Variants in PRKCH observed in about 807,000 individuals in gnomAD.
The protein encoded by PRKCH is protein kinase C eta, also known as protein kinase C eta type.
PRKCH carries 28 observed loss-of-function variants against 82.5 expected under a neutral mutation model. That is an observed-to-expected ratio of 0.34 (90% confidence interval 0.25 to 0.47). The LOEUF (loss-of-function observed/expected upper bound fraction) is 0.47. Among genes scored for constraint, PRKCH ranks in the 20% least tolerant of loss-of-function variants. The pLI, the probability that PRKCH is intolerant of heterozygous loss-of-function variation, is 1.00. For synonymous variants in PRKCH, 322 were observed against 327.4 expected (o/e 0.98, Z 0.18); for missense variants, 705 against 881.8 (o/e 0.80, Z 2.54).
chr14:61,549,636 A>ATGG, intron 13 of PRKCH, 49 bp from the exon 14 acceptor site: 1 of 1,598,298 alleles, frequency 6.3e-7, no homozygotes, highest in Non-Finnish European at 8.5e-7. Context: ...AAGATGAGTA[A>ATGG]GCCTCAAGCG....
intron 1 of PRKCH, among the ~76,000 whole-genome samples, chr14:61,313,296 G>C (rs1195380014): frequency 6.6e-6 from 1 of 152,150 alleles, no homozygotes; most frequent in African/African-American, 2.4e-5. Flanking sequence ...TAATGGACAA[G>C]AACCAAATGA....
intron 2 of PRKCH, among the ~76,000 whole-genome samples, chr14:61,438,799 A>G (rs924892787): frequency 1.3e-5 from 2 of 152,240 alleles, no homozygotes; most frequent in African/African-American, 4.8e-5. Context: ...CAAAACAAGC[A>G]TGGGGTGACA....
At chr14:61,422,055 C>T (rs528475886) in intron 2 of PRKCH, among the ~76,000 whole-genome samples, 1 of 152,230 alleles carries the variant, frequency 6.6e-6, no homozygotes, top group African/African-American at 2.4e-5. Context: ...GGACTTTGCC[C>T]TAAGGCCTGA....
intron 10 of PRKCH, among the ~76,000 whole-genome samples, chr14:61,498,433 A>C (rs1886759879): frequency 6.6e-6 from 1 of 151,934 alleles, no homozygotes; most frequent in South Asian, 2.1e-4. Flanking sequence ...CGCCGTGACC[A>C]CTCCTTGTCT....
intron 1 of PRKCH, among the ~76,000 whole-genome samples, chr14:61,253,928 C>T (rs562685413): frequency 2.6e-5 from 4 of 151,804 alleles, no homozygotes; most frequent in South Asian, 4.2e-4. Context: ...GAGGTAAACA[C>T]GTACACAAAT....
At chr14:61,454,401 C>G (rs1319060068) in intron 7 of PRKCH, among the ~76,000 whole-genome samples, 1 of 152,188 alleles carries the variant, frequency 6.6e-6, no homozygotes, top group African/African-American at 2.4e-5. Context: ...CCACGCCCAG[C>G]CTTTCTTTTC....
intron 1 of PRKCH, chr14:61,306,831 G>A (rs995623978): frequency 2.6e-5 from 4 of 152,096 alleles, no homozygotes; most frequent in Non-Finnish European, 5.9e-5. Context: ...ATAACCATTA[G>A]TTTGTTGAAG....
Position 61,529,222 on chromosome 14 carries a change from A to T in PRKCH, c.1572+9A>T. ...ACTATATCGCTCCAGAGGTGAGTGC[A>T]GCTGCTTGATGCAGCTCTGAAATCT... is the stretch of plus-strand genomic sequence containing the variant. On this transcript the variant is annotated intron_variant, in intron 11 of 13. Transcript: ENST00000332981. The T allele has an allele frequency of 6.2e-7, 1 of 1,604,584 alleles. No individual in the cohort carries two copies. The highest frequency in any genetic ancestry group is 8.5e-7 in the Non-Finnish European group (1 of 1,174,938).
At chr14:61,473,865 C>T (rs1384287690) in intron 9 of PRKCH, among the ~76,000 whole-genome samples, 3 of 151,964 alleles carry the variant, frequency 2.0e-5, no homozygotes, top group African/African-American at 7.3e-5. Context: ...TGGTGGCACG[C>T]ACCTGTAATC....
intron 1 of PRKCH, among the ~76,000 whole-genome samples, chr14:61,199,343 C>T (rs2044462166): frequency 6.6e-6 from 1 of 152,196 alleles, no homozygotes; most frequent in Non-Finnish European, 1.5e-5. Context: ...AAAGAGCTTG[C>T]AAACTTCGCC....
chr14:61,339,679 T>A (rs1472116767), intron 1 of PRKCH, among the ~76,000 whole-genome samples: 17 of 127,026 alleles, frequency 1.3e-4, no homozygotes, highest in Admixed American at 2.5e-4. Context: ...TGAGCTGAGA[T>A]TGCACCACTG....
In PRKCH at chr14:61,322,438, G is replaced by T. The variant is rs371651183; in HGVS notation, c.337G>T (p.Gly113Cys). The part of the protein sequence containing the change: ...LQFQELLRTT[G>C]ASDTFEGWVD... ...GTTCCAGGAGCTGCTGCGCACGACC[G>T]GCGCCTCGGACACCTTCGAGGGTTG... is the stretch of plus-strand genomic sequence containing the variant. The change falls in exon 1 of 14, where the codon GGC becomes TGC. Residue 113 changes from glycine (G) to cysteine (C), a missense_variant. This residue lies in a region of PRKCH where 246 missense variants were observed against 308.0 expected (regional missense o/e 0.80). Coordinates refer to ENST00000332981, the MANE Select transcript of PRKCH (RefSeq NM_006255.5). 1 of 1,597,270 alleles carries T rather than the reference G, an allele frequency of 6.3e-7. No homozygotes were observed.
At chr14:61,381,164 A>T (rs183532682) in intron 1 of PRKCH, among the ~76,000 whole-genome samples, 12 of 152,310 alleles carry the variant, frequency 7.9e-5, no homozygotes, top group African/African-American at 2.9e-4. Context: ...TGAGATGCCG[A>T]AGCCAGGTGA....
intron 1 of PRKCH, among the ~76,000 whole-genome samples, chr14:61,385,880 G>A (rs2046580284): frequency 6.6e-6 from 1 of 152,190 alleles, no homozygotes; most frequent in Non-Finnish European, 1.5e-5. Context: ...TTCATAACAG[G>A]TGTGGAGTTG....
At chr14:61,467,773 A>C (rs8019130) in intron 9 of PRKCH, among the ~76,000 whole-genome samples, 20,111 of 152,190 alleles carry the variant, frequency 0.13, 2,855 homozygotes, top group African/African-American at 0.36. Flanking sequence ...ACCCTAGCAT[A>C]TGTCCTAGGT....
intron 10 of PRKCH, among the ~76,000 whole-genome samples, chr14:61,512,910 G>A (rs1307716576): frequency 2.0e-5 from 3 of 149,958 alleles, no homozygotes; most frequent in Admixed American, 1.3e-4. Context: ...TCAAACTCCT[G>A]GATTCACGTG....
intron 5 of PRKCH, among the ~76,000 whole-genome samples, chr14:61,449,884 CTCTCTCTCTCTCTCTCTGTG>C (rs761293415): frequency 5.2e-5 from 7 of 135,326 alleles, no homozygotes; most frequent in East Asian, 4.8e-4. Flanking sequence ...CTCTCTCTCT[CTCTCTCTCTCTCTCTCTGTG>C]TGTGTGTGTG....
Position 61,247,279 on chromosome 14 carries a change from T to A in PRKCH, c.-19+59611T>A, listed in dbSNP as rs961249273. 5.9e-5 allele frequency among the ~76,000 whole-genome samples: 9 copies of A among 152,122 alleles called. No homozygotes were observed. In the East Asian group the frequency reaches 9.6e-4, roughly 16 times the overall value. ...TAGGACATTAGACTTTTTTTTTTTT[T>A]AAACTCTGTAGGAACACAACGTATA... On this transcript the variant is annotated intron_variant, in intron 1 of 3. Coordinates refer to the PRKCH transcript ENST00000555185.
At chr14:61,453,066 G>T (rs983980826) in intron 6 of PRKCH, among the ~76,000 whole-genome samples, 160 bp from the exon 7 acceptor site, 1 of 152,194 alleles carries the variant, frequency 6.6e-6, no homozygotes, top group Non-Finnish European at 1.5e-5. Context: ...AAAATGTCAG[G>T]AACTATTACT....
Sources: gnomAD v4.1 joint callset for allele counts (sites outside exome capture counted in the v4.1 genomes callset) on GRCh38, gnomAD v4.1.1 for gene constraint, gnomAD v4.1.1 regional missense constraint, MANE v1.5 for transcripts, NCBI Gene and HGNC (gene_info 2026-07-23, HGNC 2026-07-21) for gene names.